Variants in RAVER2 observed in about 807,000 individuals in gnomAD.
RAVER2 encodes the protein ribonucleoprotein, PTB binding 2.
Under a neutral mutation model 78.1 loss-of-function variants are expected in RAVER2, and 46 were observed. That is an observed-to-expected ratio of 0.59 (90% CI 0.46 to 0.75). The LOEUF (loss-of-function observed/expected upper bound fraction) is 0.75, where lower values mean the gene tolerates loss of function less well. Among genes scored for constraint, RAVER2 ranks in the 30% least tolerant of loss-of-function variants. RAVER2 has a pLI of 0.00. For missense variants in RAVER2, 793 were observed against 837.5 expected (o/e 0.95, Z 0.66); for synonymous variants, 311 against 313.3 (o/e 0.99, Z 0.08).
intron 5 of RAVER2, among the ~76,000 whole-genome samples, chr1:64,798,464 G>T (rs962177186): frequency 4.0e-5 from 6 of 150,630 alleles, no homozygotes; most frequent in Non-Finnish European, 7.4e-5. Context: ...GGGTCAAATG[G>T]TATTTCTAGT....
At chr1:64,813,887 G>A (rs191783101) in intron 10 of RAVER2, among the ~76,000 whole-genome samples, 10 of 148,904 alleles carry the variant, frequency 6.7e-5, no homozygotes, top group Admixed American at 2.0e-4. Context: ...TTTGTTTTGG[G>A]TTATTTATTT....
At chr1:64,760,847 T>G (rs949541367) in intron 1 of RAVER2, among the ~76,000 whole-genome samples, 2 of 152,184 alleles carry the variant, frequency 1.3e-5, no homozygotes, top group Non-Finnish European at 2.9e-5. Context: ...AGGAATGTGA[T>G]GGGAATGAAT....
At chr1:64,791,958 T>G (rs1456544777) in intron 5 of RAVER2, among the ~76,000 whole-genome samples, 1 of 152,208 alleles carries the variant, frequency 6.6e-6, no homozygotes, top group African/African-American at 2.4e-5. Context: ...GTTCTTTTTT[T>G]TACAATGCAA....
intron 11 of RAVER2, among the ~76,000 whole-genome samples, chr1:64,823,003 A>G (rs1482478046): frequency 1.3e-5 from 2 of 152,176 alleles, no homozygotes; most frequent in Non-Finnish European, 2.9e-5. Flanking sequence ...ATGTAAGTAG[A>G]TAGTGGTTAT....
At chr1:64,792,426 C>T (rs1652969451) in intron 5 of RAVER2, among the ~76,000 whole-genome samples, 1 of 152,246 alleles carries the variant, frequency 6.6e-6, no homozygotes, top group African/African-American at 2.4e-5. Context: ...AAGTATACCA[C>T]ATTCTTAGGT....
In RAVER2 at chr1:64,745,289, G is replaced by A. The variant is rs149969748; in HGVS notation, c.117G>A (p.Glu39=). 20,500 of 1,463,352 alleles carry A rather than the reference G, an allele frequency of 0.014. 171 individuals carry two copies. Among genetic ancestry groups the A allele is most frequent in the Non-Finnish European group, 0.015 (16,108 of 1,103,062 alleles). 90.6% of individuals were successfully genotyped at this position (1,463,352 alleles called of 1,614,324 possible). ...AGGGCCCCTCAGCCGAAGCGCACGA[G>A]GGCGCCCCGGACCCGATGCCCGCCG... The change falls in exon 1 of 12, where the codon GAG becomes GAA. Residue 39 remains glutamate (E), a synonymous_variant. Transcript: ENST00000294428. The surrounding 1 kb of genome is among the most constrained non-coding windows in gnomAD (Gnocchi z 4.3).
chr1:64,771,180 A>G (rs1021960471), intron 2 of RAVER2, among the ~76,000 whole-genome samples: 1 of 151,966 alleles, frequency 6.6e-6, no homozygotes, highest in Non-Finnish European at 1.5e-5. Context: ...ATACATCATT[A>G]ATACATTTAG....
At chr1:64,830,808 T>C (rs1654108271) in intron 11 of RAVER2, 31 bp from the exon 12 acceptor site, 11 of 1,552,464 alleles carry the variant, frequency 7.1e-6, no homozygotes, top group East Asian at 2.3e-5. Flanking sequence ...CTTTAGATTT[T>C]AAAACTAGCT....
chr1:64,799,435 GT>G (rs1359187399), intron 5 of RAVER2, among the ~76,000 whole-genome samples: 1 of 151,964 alleles, frequency 6.6e-6, no homozygotes, highest in Non-Finnish European at 1.5e-5. Context: ...GTTTGTTGTT[GT>G]TTTTGTTGTT....
chr1:64,776,384 A>G (rs1652465772), intron 2 of RAVER2, among the ~76,000 whole-genome samples: 1 of 152,200 alleles, frequency 6.6e-6, no homozygotes, highest in African/African-American at 2.4e-5. Context: ...CATGTGTTAA[A>G]TGAAAAATGT....
chr1:64,795,565 T>A (rs1653072955), intron 5 of RAVER2, among the ~76,000 whole-genome samples: 1 of 152,108 alleles, frequency 6.6e-6, no homozygotes, highest in South Asian at 2.1e-4. Context: ...TATTTTTTGA[T>A]GTTATTTTAG....
intron 3 of RAVER2, among the ~76,000 whole-genome samples, chr1:64,779,222 T>G (rs1282984882): frequency 6.6e-6 from 1 of 152,018 alleles, no homozygotes; most frequent in African/African-American, 2.4e-5. Flanking sequence ...CAAAAGATCT[T>G]TTGAACCTAT....
chr1:64,807,690 G>A (rs1229856084), intron 9 of RAVER2, among the ~76,000 whole-genome samples: 1 of 152,096 alleles, frequency 6.6e-6, no homozygotes, highest in Non-Finnish European at 1.5e-5. Flanking sequence ...TATGCTAGCT[G>A]GCATTTGGGA....
chr1:64,830,085 GTTCTTGCATA>G (rs1367821123), intron 11 of RAVER2, among the ~76,000 whole-genome samples: 1 of 152,174 alleles, frequency 6.6e-6, no homozygotes, highest in Non-Finnish European at 1.5e-5. Flanking sequence ...TCATTTCTAA[GTTCTTGCATA>G]TTAAGTCACA....
chr1:64,832,314 T>G (rs1264717644), exon 12 of RAVER2: 1 of 152,644 alleles, frequency 6.6e-6, no homozygotes, highest in Non-Finnish European at 1.5e-5. Flanking sequence ...TTTTTGATAG[T>G]GTGTTAGGGT....
intron 4 of RAVER2, among the ~76,000 whole-genome samples, chr1:64,787,595 G>A (rs903731224): frequency 1.3e-5 from 2 of 152,132 alleles, no homozygotes; most frequent in Non-Finnish European, 2.9e-5. Context: ...TGAGAAGGTC[G>A]GGGAGGTGGG....
rs549620386 is a variant in RAVER2 at position 64,778,587 on chromosome 1, A to G, written c.786+495A>G. On this transcript the variant is annotated intron_variant, in intron 3 of 11. Coordinates refer to ENST00000294428, the Ensembl canonical transcript of RAVER2. The stretch of plus-strand genomic sequence containing the variant: ...AAGTTTAAAAGGAATGTGTAGTTCT[A>G]TCTTAATGTGGTCACGGTAGGTGAG... Among the ~76,000 whole-genome samples, 7 of 152,236 alleles carry G rather than the reference A, an allele frequency of 4.6e-5. No individual in the cohort carries two copies. In the South Asian group the frequency reaches 1.0e-3, roughly 23 times the overall value.
chr1:64,821,195 A>G (rs1653879553), intron 11 of RAVER2, among the ~76,000 whole-genome samples: 1 of 152,090 alleles, frequency 6.6e-6, no homozygotes, highest in African/African-American at 2.4e-5. Flanking sequence ...TGTTGGCCAC[A>G]TAGTATGTCT....
At chr1:64,756,159 G>A (rs6676160) in intron 1 of RAVER2, among the ~76,000 whole-genome samples, 21,506 of 152,040 alleles carry the variant, frequency 0.14, 1,584 homozygotes, top group East Asian at 0.25. Context: ...CAAGTTTTAT[G>A]TCTTTAGCAG....
Sources: gnomAD v4.1 joint callset for allele counts (sites outside exome capture counted in the v4.1 genomes callset) on GRCh38, gnomAD v4.1.1 for gene constraint, Gnocchi (gnomAD v3.1) non-coding constraint, MANE v1.5 for transcripts, NCBI Gene and HGNC (gene_info 2026-07-23, HGNC 2026-07-21) for gene names.